Variants in TANGO2 observed in about 807,000 individuals in gnomAD.
The protein encoded by TANGO2 is transport and Golgi organization protein 2 homolog.
TANGO2 carries 26 observed loss-of-function variants against 39.1 expected under a neutral mutation model. The observed-to-expected ratio is 0.67, with a 90% CI of 0.49 to 0.92. TANGO2 has a LOEUF of 0.92. Ranked by LOEUF, TANGO2 falls within the 40% of genes least tolerant of loss-of-function variation. TANGO2 has a pLI of 0.00. For synonymous variants in TANGO2, 131 were observed against 144.5 expected, an observed-to-expected ratio of 0.91 and a Z score of 0.67; for missense variants, 326 against 360.1, an observed-to-expected ratio of 0.91 and a Z score of 0.77.
chr22:20,065,151 A>G lies in TANGO2; in HGVS notation c.*489A>G, dbSNP rs558471554. 6.2e-6 allele frequency: 1 copy of G among 161,374 alleles called. No individual in the cohort carries two copies. Among genetic ancestry groups the G allele is most frequent in the East Asian group, 1.8e-4 (1 of 5,530 alleles). 10.0% of individuals were successfully genotyped at this position (161,374 alleles called of 1,614,324 possible). On this transcript the variant is annotated 3_prime_UTR_variant, in exon 9 of 9. Transcript: ENST00000327374. The stretch of plus-strand genomic sequence containing the variant: ...GGCAGAAGGGCGACTCTCACCTCTC[A>G]TGTGCTTCTGGCCAGTAGGTCTTTG...
In TANGO2 at chr22:20,036,610, G is replaced by A. The variant is rs533174321; in HGVS notation, c.-39-150G>A. The A allele has an allele frequency of 9.0e-5, 62 of 686,214 alleles. No individual in the cohort carries two copies. The East Asian group carries it at 1.3e-3, about 15-fold the overall frequency. The allele number at this position is 686,214 out of a possible 1,614,324, so 42.5% of individuals were successfully genotyped here. A position where few individuals can be genotyped will look rare whatever the true frequency, so the allele number is the denominator to read the frequency against. On this transcript the variant is annotated intron_variant, in intron 1 of 8. Transcript: ENST00000327374. ...GTTTGGGAGTTGTTTGTGTGGCACCGGCCAAGAGTGTGGTGTCCAGTTCCC... is the reference window on the plus strand; with the variant it reads ...GTTTGGGAGTTGTTTGTGTGGCACCAGCCAAGAGTGTGGTGTCCAGTTCCC...
intron 1 of TANGO2, among the ~76,000 whole-genome samples, chr22:20,031,605 G>A (rs1479002233): frequency 6.6e-6 from 1 of 152,212 alleles, no homozygotes; most frequent in Non-Finnish European, 1.5e-5. Context: ...GCCTGGCCAT[G>A]TGCCTGTGTC....
Position 20,061,573 on chromosome 22 carries a change from G to A in TANGO2, c.495G>A (p.Arg165=). The A allele has an allele frequency of 6.2e-7, 1 of 1,605,126 alleles. No homozygotes were observed. Among genetic ancestry groups the A allele is most frequent in the Non-Finnish European group, 8.5e-7 (1 of 1,176,306 alleles). Reference sequence around the variant, plus strand: ...ACGCGCTGCTGGAGACTCCCTGGAGGAAGCTGTGCTTTGGGAAGCAGCTCT... The same window carrying A: ...ACGCGCTGCTGGAGACTCCCTGGAGAAAGCTGTGCTTTGGGAAGCAGCTCT... ...LSNALLETPW[R]KLCFGKQLFL... is the part of the protein sequence containing the mutation. Residue 165 remains arginine, a synonymous_variant, in exon 7 of 9, where the codon AGG becomes AGA. Coordinates refer to ENST00000327374, the MANE Select transcript of TANGO2 (RefSeq NM_152906.7).
In TANGO2 at chr22:20,064,546, A is replaced by C; in HGVS notation, c.715A>C (p.Asn239His). The C allele has an allele frequency of 6.2e-7, 1 of 1,614,150 alleles. No individual in the cohort carries two copies. Among genetic ancestry groups the C allele is most frequent in the Non-Finnish European group, 8.5e-7 (1 of 1,180,000 alleles). ...AGGGCCCCTGCTCTCTTTCAGAACCAACACTATCATCCTGGTAGATGCGGA... is the reference window on the plus strand; with the variant it reads ...AGGGCCCCTGCTCTCTTTCAGAACCCACACTATCATCCTGGTAGATGCGGA... Reference protein sequence around the residue: ...VRCPGYGTRTNTIILVDADGH... With the variant: ...VRCPGYGTRTHTIILVDADGH... The change falls in exon 9 of 9, where the codon AAC (asparagine) becomes CAC (histidine). Residue 239 changes from asparagine (N) to histidine (H), a missense_variant. Transcript: ENST00000327374.
intron 3 of TANGO2, among the ~76,000 whole-genome samples, chr22:20,052,236 G>T (rs990391974): frequency 6.6e-6 from 1 of 152,228 alleles, no homozygotes; most frequent in Non-Finnish European, 1.5e-5. Flanking sequence ...TAGTTGTCCT[G>T]CAGGACAGGG....
At chr22:20,055,487 T>G (rs752582960) in intron 5 of TANGO2, 17 of 227,388 alleles carry the variant, frequency 7.5e-5, no homozygotes, top group Non-Finnish European at 1.1e-4. Flanking sequence ...AATGTGGTCT[T>G]TGGCGCTTTC....
At chr22:20,045,175 C>T (rs1201549581) in intron 3 of TANGO2, among the ~76,000 whole-genome samples, 1 of 151,950 alleles carries the variant, frequency 6.6e-6, no homozygotes, top group Admixed American at 6.6e-5. Flanking sequence ...GTGGCTCACA[C>T]CTGTAATCTC....
Position 20,063,365 on chromosome 22 carries a change from C to T in TANGO2, c.633C>T (p.Asp211=). 6.2e-7 allele frequency: 1 copy of T among 1,613,492 alleles called. No homozygotes were observed. Among genetic ancestry groups the T allele is most frequent in the Non-Finnish European group, 8.5e-7 (1 of 1,179,900 alleles). ...AGCTGCCAGACCCGGCCATCGAGGA[C>T]CAGGGTGGGGAGTACGTGCAGCCCA... is the stretch of plus-strand genomic sequence containing the variant. ...EAQLPDPAIE[D]QGGEYVQPML... is the part of the protein sequence containing the mutation. The change falls in exon 8 of 9, where the codon GAC becomes GAT. Residue 211 remains aspartate, a synonymous_variant. Coordinates refer to ENST00000327374, the MANE Select transcript of TANGO2 (RefSeq NM_152906.7).
intron 2 of TANGO2, among the ~76,000 whole-genome samples, chr22:20,042,862 G>A (rs752760836): frequency 5.9e-5 from 9 of 152,094 alleles, no homozygotes; most frequent in South Asian, 4.2e-4. Flanking sequence ...CAACCAACCC[G>A]AGAAATTAAC....
Position 20,064,690 on chromosome 22 carries a change from TCCTGGGGGG to T in TANGO2, c.*31_*39del. On this transcript the variant is annotated 3_prime_UTR_variant, in exon 9 of 9. Coordinates refer to ENST00000327374, the MANE Select transcript of TANGO2 (RefSeq NM_152906.7). ...CCACCTCTGGGCCTGGCCAGTGGGC[TCCTGGGGGG>T]CCCTGCCTTGAGGGGCACTGTGGAC... 6.2e-7 allele frequency: 1 copy of T among 1,612,670 alleles called. No homozygotes were observed. Among genetic ancestry groups the T allele is most frequent in the Non-Finnish European group, 8.5e-7 (1 of 1,179,274 alleles).
chr22:20,049,732 C>T (rs2045938550), intron 3 of TANGO2, among the ~76,000 whole-genome samples: 1 of 151,762 alleles, frequency 6.6e-6, no homozygotes. Flanking sequence ...CTATTTTGGC[C>T]ATCCCAGTTC....
At chr22:20,022,405 T>C (rs4819854) in intron 1 of TANGO2, among the ~76,000 whole-genome samples, 33,996 of 152,108 alleles carry the variant, frequency 0.22, 4,256 homozygotes, top group South Asian at 0.3. Flanking sequence ...AGTGCTCTGG[T>C]GGTCCAGGGT....
Position 20,038,272 on chromosome 22 carries a change from A to G in TANGO2, c.56+1418A>G, listed in dbSNP as rs537346962. Among the ~76,000 whole-genome samples, 19 of 152,232 alleles carry G rather than the reference A, an allele frequency of 1.2e-4. No homozygotes were observed. The East Asian group carries it at 1.9e-3, about 15-fold the overall frequency. On this transcript the variant is annotated intron_variant, in intron 2 of 8. Transcript: ENST00000327374. ...CTTGATCTTGGATCTCCAGCATCCAATGCTGCGAGACAATAGTGTCTGTTG... is the reference window on the plus strand; with the variant it reads ...CTTGATCTTGGATCTCCAGCATCCAGTGCTGCGAGACAATAGTGTCTGTTG...
chr22:20,042,730 A>C (rs1399551060), intron 2 of TANGO2, among the ~76,000 whole-genome samples: 1 of 152,114 alleles, frequency 6.6e-6, no homozygotes, highest in Non-Finnish European at 1.5e-5. Flanking sequence ...ACGCCACTGC[A>C]CTCTAGCCTG....
At chr22:20,022,454 C>T (rs557146163) in intron 1 of TANGO2, among the ~76,000 whole-genome samples, 1 of 152,334 alleles carries the variant, frequency 6.6e-6, no homozygotes, top group Admixed American at 6.5e-5. Flanking sequence ...GACCCCTACA[C>T]AGCTTTGTGT....
intron 6 of TANGO2, chr22:20,056,299 C>T (rs1352716645): frequency 2.8e-5 from 18 of 636,078 alleles, no homozygotes; most frequent in Non-Finnish European, 4.7e-5. Context: ...CCCCCAGCCT[C>T]ACTTCCTGTG....
intron 5 of TANGO2, chr22:20,055,290 A>ATGATTTATT (rs1198036269): frequency 1.3e-5 from 2 of 152,598 alleles, no homozygotes; most frequent in East Asian, 3.8e-4. Flanking sequence ...TTTTTAAAAA[A>ATGATTTATT]TGATTTATTT....
At chr22:20,052,422 GA>G (rs1569308753) in intron 3 of TANGO2, 42 bp from the exon 4 acceptor site, 1 of 1,566,858 alleles carries the variant, frequency 6.4e-7, no homozygotes, top group South Asian at 1.2e-5. Context: ...TGGGGGACTG[GA>G]ATGGGTGGCA....
chr22:20,025,556 G>A (rs1054967802), intron 1 of TANGO2, among the ~76,000 whole-genome samples: 1 of 152,040 alleles, frequency 6.6e-6, no homozygotes, highest in Non-Finnish European at 1.5e-5. Flanking sequence ...TATCTCCCTC[G>A]TGTCCCCCAG....
Sources: allele counts gnomAD v4.1 joint callset (sites outside exome capture counted in the v4.1 genomes callset), GRCh38; gene constraint gnomAD v4.1.1; transcripts MANE v1.5; gene names NCBI Gene and HGNC (gene_info 2026-07-23, HGNC 2026-07-21).